The following SCAF8 variants were observed in gnomAD, a reference collection of about 807,000 sequenced individuals.
The protein encoded by SCAF8 is SR-related and CTD-associated factor 8.
SCAF8 carries 23 observed loss-of-function variants against 140.5 expected under a neutral mutation model. The ratio of observed to expected loss-of-function variants is 0.16; its 90% CI spans 0.12 to 0.23. The LOEUF is 0.23. Ranked by LOEUF, SCAF8 falls within the 10% of genes least tolerant of loss-of-function variation. The pLI, the probability that SCAF8 is intolerant of heterozygous loss-of-function variation, is 1.00. For synonymous variants in SCAF8, 575 were observed against 528.9 expected (o/e 1.09, Z -1.20); for missense variants, 1,397 against 1,555.7 (o/e 0.90, Z 1.72).
At chr6:154,782,474 C>T (rs943072168) in intron 3 of SCAF8, among the ~76,000 whole-genome samples, 4 of 151,792 alleles carry the variant, frequency 2.6e-5, no homozygotes, top group Non-Finnish European at 4.4e-5. Context: ...GCAGCAGAGG[C>T]GGGAGTTAGA....
At chr6:154,743,433 A>G (rs997852201) in intron 1 of SCAF8, among the ~76,000 whole-genome samples, 3 of 152,246 alleles carry the variant, frequency 2.0e-5, no homozygotes, top group African/African-American at 7.2e-5. Context: ...AAAAGCAACT[A>G]TTCTTAAGTG....
intron 16 of SCAF8, 143 bp from the exon 17 acceptor site, chr6:154,824,091 C>G (rs1778495637): frequency 2.7e-6 from 2 of 728,388 alleles, no homozygotes. Context: ...GGTTCACTTG[C>G]AAGTATACAA....
chr6:154,795,893 C>G (rs567235535), intron 6 of SCAF8, among the ~76,000 whole-genome samples: 2 of 152,188 alleles, frequency 1.3e-5, no homozygotes, highest in African/African-American at 4.8e-5. Flanking sequence ...AGCTTTGTAG[C>G]TCTTTAAATG....
chr6:154,778,674 G>T (rs1244734926), intron 3 of SCAF8, among the ~76,000 whole-genome samples: 1 of 152,042 alleles, frequency 6.6e-6, no homozygotes, highest in Admixed American at 6.5e-5. Context: ...TGAGGCACAA[G>T]AATTGCTTGA....
intron 3 of SCAF8, among the ~76,000 whole-genome samples, chr6:154,783,849 C>T (rs1386997842): frequency 6.6e-6 from 1 of 151,986 alleles, no homozygotes; most frequent in Non-Finnish European, 1.5e-5. Context: ...GGGCAGATCA[C>T]TTGAGAGGTC....
chr6:154,825,468 A>T (rs1235332277), intron 17 of SCAF8, among the ~76,000 whole-genome samples: 1 of 151,916 alleles, frequency 6.6e-6, no homozygotes, highest in Admixed American at 6.6e-5. Context: ...TGGGTGCAGG[A>T]GTGCAAGACC....
intron 16 of SCAF8, 72 bp from the exon 17 acceptor site, chr6:154,824,162 A>G (rs1301737700): frequency 4.1e-6 from 6 of 1,448,144 alleles, no homozygotes; most frequent in South Asian, 1.2e-5. Context: ...GAAATAGAAT[A>G]ATTTGCCTTT....
At chr6:154,746,405 T>C (rs1301777846) in intron 1 of SCAF8, among the ~76,000 whole-genome samples, 2 of 152,204 alleles carry the variant, frequency 1.3e-5, no homozygotes, top group Non-Finnish European at 2.9e-5. Flanking sequence ...GATAGAACTG[T>C]AAATTATATA....
At chr6:154,769,389 C>T (rs970542928) in intron 1 of SCAF8, among the ~76,000 whole-genome samples, 1 of 152,126 alleles carries the variant, frequency 6.6e-6, no homozygotes. Flanking sequence ...CATACTTTAC[C>T]ACAGAAAATG....
At chr6:154,773,534 A>G (rs28465171) in intron 1 of SCAF8, among the ~76,000 whole-genome samples, 1 of 152,044 alleles carries the variant, frequency 6.6e-6, no homozygotes, top group Non-Finnish European at 1.5e-5. Context: ...GGTTATTATT[A>G]TTTTTTCTTT....
chr6:154,772,302 A>G (rs1481412327), intron 1 of SCAF8, among the ~76,000 whole-genome samples: 1 of 152,214 alleles, frequency 6.6e-6, no homozygotes, highest in East Asian at 1.9e-4. Flanking sequence ...TCTGCATATA[A>G]TAGAAGTTTT....
At position 154,832,611 on chromosome 6, in the gene SCAF8, A is replaced by G. The variant is rs1484570046; in HGVS notation, c.3032A>G (p.Glu1011Gly). ...CTTGGGAATGATAACATTCAACAGG[A>G]AGGAGATAGAGATTACCGGTTTCCT... ...IPLGNDNIQQEGDRDYRFPPI... is the reference protein window; with the variant it reads ...IPLGNDNIQQGGDRDYRFPPI... Residue 1011 changes from glutamate (E) to glycine (G), a missense_variant, in exon 20 of 20, where the codon GAA becomes GGA. Around this residue, in one of 5 missense-constraint regions of SCAF8, gnomAD observed 930 missense variants for 874.6 expected, o/e 1.06. Transcript: ENST00000367178. 1 of 1,614,120 alleles carries G rather than the reference A, an allele frequency of 6.2e-7. No homozygotes were observed. Among genetic ancestry groups the G allele is most frequent in the South Asian group, 1.1e-5 (1 of 91,082 alleles).
chr6:154,814,243 G>A (rs1210060443), intron 12 of SCAF8, among the ~76,000 whole-genome samples: 1 of 152,112 alleles, frequency 6.6e-6, no homozygotes, highest in Non-Finnish European at 1.5e-5. Flanking sequence ...ACTTGAGCCC[G>A]GGAGGTGAAA....
At chr6:154,818,798 G>A (rs193000447) in intron 14 of SCAF8, among the ~76,000 whole-genome samples, 2 of 152,300 alleles carry the variant, frequency 1.3e-5, no homozygotes, top group Non-Finnish European at 2.9e-5. Flanking sequence ...AGAATTAGAT[G>A]TAGGTAAAAA....
At chr6:154,778,877 A>G (rs558979604) in intron 3 of SCAF8, among the ~76,000 whole-genome samples, 1 of 152,162 alleles carries the variant, frequency 6.6e-6, no homozygotes, top group East Asian at 1.9e-4. Flanking sequence ...GTTGAATAAC[A>G]AGTATGCTGT....
rs906604986 is a variant in SCAF8 at position 154,795,072 on chromosome 6, C to A, written c.539C>A (p.Ser180Tyr). 6.2e-7 allele frequency: 1 copy of A among 1,613,556 alleles called. No individual in the cohort carries two copies. The highest frequency in any genetic ancestry group is 8.5e-7 in the Non-Finnish European group (1 of 1,179,798). Residue 180 changes from serine (S) to tyrosine (Y), a missense_variant, in exon 6 of 20, where the codon TCT becomes TAT. This residue lies in a region of SCAF8 where 339 missense variants were observed against 407.5 expected (regional missense o/e 0.83). Transcript: ENST00000367178. ...CAAGGCTTACCTGATCCGTGGGTAT[C>A]TCAGATAACAAATACAGATACACTT... ...VVQGLPDPWVSQITNTDTLAA... is the reference protein window; with the variant it reads ...VVQGLPDPWVYQITNTDTLAA...
intron 1 of SCAF8, among the ~76,000 whole-genome samples, chr6:154,748,740 A>G (rs1355511398): frequency 4.6e-5 from 7 of 152,228 alleles, no homozygotes; most frequent in African/African-American, 1.2e-4. Context: ...TGGTAATTTC[A>G]AGAATGAAAG....
At chr6:154,777,240 T>C (rs1202221940) in intron 2 of SCAF8, among the ~76,000 whole-genome samples, 1 of 151,954 alleles carries the variant, frequency 6.6e-6, no homozygotes, top group Admixed American at 6.5e-5. Context: ...TAAACAGAAA[T>C]CATACGCCAA....
At position 154,760,271 on chromosome 6, in the gene SCAF8, G is replaced by A. The variant is rs1334753871; in HGVS notation, c.31-13718G>A. On this transcript the variant is annotated intron_variant, in intron 1 of 19. Transcript: ENST00000367178. ...ATGGTGCCACTGCACTCCAACCTGG[G>A]CAACAGAGCAAGACTCTGTCTCTAA... Among the ~76,000 whole-genome samples the A allele has an allele frequency of 3.3e-5, 5 of 152,146 alleles. No individual in the cohort carries two copies. The East Asian group carries it at 9.7e-4, about 29-fold the overall frequency.
Sources: gnomAD v4.1 joint callset for allele counts (sites outside exome capture counted in the v4.1 genomes callset) on GRCh38, gnomAD v4.1.1 for gene constraint, gnomAD v4.1.1 regional missense constraint, MANE v1.5 for transcripts, NCBI Gene and HGNC (gene_info 2026-07-23, HGNC 2026-07-21) for gene names.